The following GABRB2 variants were observed in gnomAD, a reference collection of about 807,000 sequenced individuals.
The protein encoded by GABRB2 is gamma-aminobutyric acid type A receptor subunit beta2.
In GABRB2, 16 loss-of-function variants were observed where a neutral mutation model predicts 54.7. The observed-to-expected ratio is 0.29, with a 90% confidence interval of 0.20 to 0.44. The LOEUF (loss-of-function observed/expected upper bound fraction) is 0.44. Ranked by LOEUF, GABRB2 falls within the 20% of genes least tolerant of loss-of-function variation. The pLI, the probability that GABRB2 is intolerant of heterozygous loss-of-function variation, is 1.00. For synonymous variants in GABRB2, 244 were observed against 233.8 expected (o/e 1.04, Z -0.40); for missense variants, 355 against 644.0 (o/e 0.55, Z 4.86).
At chr5:161,304,812 G>C (rs1390208640) in intron 9 of GABRB2, among the ~76,000 whole-genome samples, 1 of 151,670 alleles carries the variant, frequency 6.6e-6, no homozygotes, top group Non-Finnish European at 1.5e-5. Context: ...AATGCATGAT[G>C]AATTGAATAA....
chr5:161,301,837 C>T (rs375090134), intron 9 of GABRB2, among the ~76,000 whole-genome samples: 1 of 152,058 alleles, frequency 6.6e-6, no homozygotes, highest in Admixed American at 6.6e-5. Context: ...AAAGAAGTCT[C>T]CTGCTTCCCA....
chr5:161,294,928 G>C (rs1021442592), intron 9 of GABRB2, among the ~76,000 whole-genome samples: 3 of 152,076 alleles, frequency 2.0e-5, no homozygotes, highest in Admixed American at 6.6e-5. Context: ...TTTATGTCAG[G>C]CATTTTTTTG....
At chr5:161,325,761 G>C (rs1758343312) in intron 9 of GABRB2, among the ~76,000 whole-genome samples, 1 of 152,066 alleles carries the variant, frequency 6.6e-6, no homozygotes, top group East Asian at 1.9e-4. Flanking sequence ...TAAACTATGA[G>C]TCAAAAATAG....
chr5:161,338,775 G>A (rs1005197643), intron 5 of GABRB2, among the ~76,000 whole-genome samples: 1 of 152,080 alleles, frequency 6.6e-6, no homozygotes, highest in Admixed American at 6.6e-5. Flanking sequence ...GACAGAGCTA[G>A]ACTCTGCCTC....
chr5:161,349,275 A>G (rs1356387050), intron 5 of GABRB2, among the ~76,000 whole-genome samples: 4 of 152,046 alleles, frequency 2.6e-5, no homozygotes, highest in African/African-American at 9.7e-5. Context: ...AAAACAAACT[A>G]CGGGACCTAT....
chr5:161,407,642 G>T (rs1756385843), intron 5 of GABRB2, among the ~76,000 whole-genome samples: 1 of 151,944 alleles, frequency 6.6e-6, no homozygotes, highest in Admixed American at 6.6e-5. Flanking sequence ...AGAAAAATAG[G>T]CAGTATTCCA....
At chr5:161,458,427 T>A (rs1194856084) in intron 4 of GABRB2, among the ~76,000 whole-genome samples, 1 of 152,184 alleles carries the variant, frequency 6.6e-6, no homozygotes, top group Non-Finnish European at 1.5e-5. Context: ...GCCTCTCTTA[T>A]CCCTCCCTCC....
intron 4 of GABRB2, among the ~76,000 whole-genome samples, chr5:161,440,175 G>T (rs979876690): frequency 2.6e-5 from 4 of 151,040 alleles, no homozygotes; most frequent in Admixed American, 2.6e-4. Flanking sequence ...AGGAAGGAAA[G>T]AAAGAAGAGA....
intron 3 of GABRB2, among the ~76,000 whole-genome samples, chr5:161,526,861 A>T (rs1181170842): frequency 6.6e-6 from 1 of 151,480 alleles, no homozygotes; most frequent in Non-Finnish European, 1.5e-5. Flanking sequence ...TTTACCGAAG[A>T]ACATAACAGA....
intron 3 of GABRB2, among the ~76,000 whole-genome samples, chr5:161,485,832 T>C (rs1450451242): frequency 1.3e-5 from 2 of 151,940 alleles, no homozygotes; most frequent in Non-Finnish European, 2.9e-5. Context: ...TGTTTTCCTT[T>C]ACACCCTGGA....
intron 4 of GABRB2, among the ~76,000 whole-genome samples, chr5:161,455,561 G>A (rs1160158290): frequency 2.7e-5 from 4 of 147,102 alleles, no homozygotes; most frequent in Non-Finnish European, 6.0e-5. Context: ...GACAGGGTAC[G>A]GCTCTGTCAT....
intron 5 of GABRB2, among the ~76,000 whole-genome samples, chr5:161,383,940 T>C (rs1337360538): frequency 6.6e-6 from 1 of 152,136 alleles, no homozygotes; most frequent in Non-Finnish European, 1.5e-5. Context: ...CAAGCTGGAG[T>C]GCAGTGGTGC....
At chr5:161,326,643 T>C (rs2113389853) in intron 8 of GABRB2, among the ~76,000 whole-genome samples, 162 bp from the exon 9 acceptor site, 1 of 152,240 alleles carries the variant, frequency 6.6e-6, no homozygotes, top group East Asian at 1.9e-4. Flanking sequence ...TTTTAAAAAA[T>C]GTTTTGTTTT....
intron 5 of GABRB2, among the ~76,000 whole-genome samples, chr5:161,386,925 TA>T (rs1254389298): frequency 6.6e-6 from 1 of 151,446 alleles, no homozygotes; most frequent in Non-Finnish European, 1.5e-5. Context: ...CTTGACCGCG[TA>T]AAAATGTATA....
intron 3 of GABRB2, among the ~76,000 whole-genome samples, chr5:161,517,173 A>C (rs1759974410): frequency 6.6e-6 from 1 of 152,178 alleles, no homozygotes; most frequent in Non-Finnish European, 1.5e-5. Context: ...CCTTTCATAA[A>C]GATAGCTGTG....
chr5:161,417,298 T>A (rs1756706134), intron 4 of GABRB2, among the ~76,000 whole-genome samples: 1 of 152,256 alleles, frequency 6.6e-6, no homozygotes, highest in African/African-American at 2.4e-5. Flanking sequence ...CTTACTATGT[T>A]CACGACACTA....
chr5:161,338,922 CA>C (rs1214579397), intron 5 of GABRB2, among the ~76,000 whole-genome samples: 1 of 152,068 alleles, frequency 6.6e-6, no homozygotes, highest in African/African-American at 2.4e-5. Flanking sequence ...ATTTTCTACC[CA>C]ATCCTGAGAC....
chr5:161,399,340 C>T (rs1756106368), intron 5 of GABRB2, among the ~76,000 whole-genome samples: 3 of 152,072 alleles, frequency 2.0e-5, no homozygotes, highest in Non-Finnish European at 4.4e-5. Context: ...TTTCCAGGCT[C>T]ACGTTTTTCT....
At chr5:161,496,097 C>T (rs964254585) in intron 3 of GABRB2, among the ~76,000 whole-genome samples, 5 of 152,102 alleles carry the variant, frequency 3.3e-5, no homozygotes, top group Admixed American at 2.6e-4. Context: ...GGGAACGGGC[C>T]ACCAAACTGC....
Sources: allele counts gnomAD v4.1 joint callset (sites outside exome capture counted in the v4.1 genomes callset), GRCh38; gene constraint gnomAD v4.1.1; transcripts MANE v1.5; gene names NCBI Gene and HGNC (gene_info 2026-07-23, HGNC 2026-07-21).